The following MAP3K5 variants were observed in gnomAD, a reference collection of about 807,000 sequenced individuals.
The protein encoded by MAP3K5 is ASK-1.
In MAP3K5, 56 loss-of-function variants were observed where a neutral mutation model predicts 158.7. The ratio of observed to expected loss-of-function variants is 0.35; its 90% CI spans 0.28 to 0.44. The LOEUF (loss-of-function observed/expected upper bound fraction) is 0.44. MAP3K5 is among the 20% of genes least tolerant of loss of function. The pLI, the probability that MAP3K5 is intolerant of heterozygous loss-of-function variation, is 1.00. For synonymous variants in MAP3K5, 579 were observed against 601.7 expected (o/e 0.96, Z 0.55); for missense variants, 1,294 against 1,674.8 (o/e 0.77, Z 3.97).
chr6:136,694,525 T>A (rs751931394), intron 6 of MAP3K5, among the ~76,000 whole-genome samples: 2 of 152,218 alleles, frequency 1.3e-5, no homozygotes, highest in Non-Finnish European at 2.9e-5. Flanking sequence ...AGGATTTCTT[T>A]TGAGTTTCTG....
intron 1 of MAP3K5, among the ~76,000 whole-genome samples, chr6:136,729,405 A>G (rs1782110085): frequency 6.6e-6 from 1 of 152,248 alleles, no homozygotes; most frequent in Non-Finnish European, 1.5e-5. Context: ...TATTTACTGC[A>G]CAAAACTGCT....
chr6:136,592,421 T>C lies in MAP3K5; in HGVS notation c.3056+16A>G. 1 of 1,612,772 alleles carries C rather than the reference T, an allele frequency of 6.2e-7. No individual in the cohort carries two copies. Among genetic ancestry groups the C allele is most frequent in the Non-Finnish European group, 8.5e-7 (1 of 1,179,236 alleles). ...AACAACACACTTCTCTCACCCCAAG[T>C]AAGTCAGGTCTTTACCCCAAAAAGA... On this transcript the variant is annotated intron_variant, in intron 22 of 29. Coordinates refer to ENST00000359015, the MANE Select transcript of MAP3K5 (RefSeq NM_005923.4).
At chr6:136,572,946 C>T (rs1346375829) in intron 25 of MAP3K5, among the ~76,000 whole-genome samples, 1 of 152,176 alleles carries the variant, frequency 6.6e-6, no homozygotes, top group Non-Finnish European at 1.5e-5. Flanking sequence ...CAAATTAATA[C>T]AGCTACAAAT....
chr6:136,779,792 T>C (rs1458560265), intron 1 of MAP3K5, among the ~76,000 whole-genome samples: 3 of 152,198 alleles, frequency 2.0e-5, no homozygotes, highest in African/African-American at 7.2e-5. Context: ...TATGGCCACA[T>C]GGCTTATATC....
At chr6:136,705,618 A>C (rs1314094011) in intron 2 of MAP3K5, among the ~76,000 whole-genome samples, 1 of 152,192 alleles carries the variant, frequency 6.6e-6, no homozygotes, top group Non-Finnish European at 1.5e-5. Flanking sequence ...AAAAGTTTAC[A>C]ATCTGCGGAG....
At chr6:136,783,561 C>T (rs1784710103) in intron 1 of MAP3K5, among the ~76,000 whole-genome samples, 1 of 152,156 alleles carries the variant, frequency 6.6e-6, no homozygotes, top group African/African-American at 2.4e-5. Context: ...CTGTGGGTTC[C>T]TGCAACACTG....
chr6:136,758,389 A>C (rs1783598626), intron 1 of MAP3K5, among the ~76,000 whole-genome samples: 1 of 152,238 alleles, frequency 6.6e-6, no homozygotes, highest in Non-Finnish European at 1.5e-5. Flanking sequence ...TATGATGAAA[A>C]CTGAACGAAA....
At chr6:136,704,437 T>C (rs1239165528) in intron 3 of MAP3K5, among the ~76,000 whole-genome samples, 2 of 152,188 alleles carry the variant, frequency 1.3e-5, no homozygotes, top group Non-Finnish European at 2.9e-5. Context: ...AAACATACTA[T>C]AGACACATAT....
At chr6:136,738,762 C>G (rs1400986322) in intron 1 of MAP3K5, among the ~76,000 whole-genome samples, 1 of 152,182 alleles carries the variant, frequency 6.6e-6, no homozygotes, top group East Asian at 1.9e-4. Context: ...CCACATACAG[C>G]TAGCTCTACT....
At chr6:136,723,158 C>A in intron 1 of MAP3K5, among the ~76,000 whole-genome samples, 1 of 151,364 alleles carries the variant, frequency 6.6e-6, no homozygotes. Flanking sequence ...GTCTAAATAC[C>A]TATCAGTAAG....
chr6:136,771,287 A>G (rs968628697), intron 1 of MAP3K5, among the ~76,000 whole-genome samples: 1 of 152,164 alleles, frequency 6.6e-6, no homozygotes, highest in Non-Finnish European at 1.5e-5. Context: ...TATTATCATT[A>G]TTATTGCTGT....
At chr6:136,592,868 A>G (rs1775458064) in intron 21 of MAP3K5, 1 of 548,276 alleles carries the variant, frequency 1.8e-6, no homozygotes, top group African/African-American at 1.9e-5. Flanking sequence ...ACAGTCAAGG[A>G]AGCCCAAGTT....
At position 136,559,330 on chromosome 6, in the gene MAP3K5, C is replaced by T. The variant is rs377398975; in HGVS notation, c.3988-454G>A. Among the ~76,000 whole-genome samples, 21 of 150,038 alleles carry T rather than the reference C, an allele frequency of 1.4e-4. No homozygotes were observed. In the East Asian group the frequency reaches 2.9e-3, roughly 21 times the overall value. On this transcript the variant is annotated intron_variant, in intron 28 of 29. Coordinates refer to ENST00000359015, the MANE Select transcript of MAP3K5 (RefSeq NM_005923.4). ...TTGACCCACTGCACTCCAGCCTGGGCGACAGAGTGAGACTCCGTCTCAAAA... is the reference window on the plus strand; with the variant it reads ...TTGACCCACTGCACTCCAGCCTGGGTGACAGAGTGAGACTCCGTCTCAAAA...
chr6:136,663,225 A>G (rs1779083067), intron 8 of MAP3K5, among the ~76,000 whole-genome samples: 1 of 152,202 alleles, frequency 6.6e-6, no homozygotes, highest in African/African-American at 2.4e-5. Flanking sequence ...TGGAGGTTAG[A>G]TCCTTTTTAA....
At chr6:136,739,036 G>A (rs537560846) in intron 1 of MAP3K5, among the ~76,000 whole-genome samples, 7 of 152,030 alleles carry the variant, frequency 4.6e-5, no homozygotes, top group East Asian at 3.9e-4. Flanking sequence ...TCAAATAAAC[G>A]TACAAAAACA....
intron 1 of MAP3K5, among the ~76,000 whole-genome samples, chr6:136,731,585 C>A (rs1362156250): frequency 2.6e-5 from 4 of 152,210 alleles, no homozygotes; most frequent in African/African-American, 9.6e-5. Flanking sequence ...TTCATCATAT[C>A]TGCAAAGACT....
At chr6:136,593,991 A>G (rs1775512390) in intron 21 of MAP3K5, among the ~76,000 whole-genome samples, 1 of 152,120 alleles carries the variant, frequency 6.6e-6, no homozygotes, top group South Asian at 2.1e-4. Flanking sequence ...ACCTCGGGGG[A>G]AACCACCTTA....
At chr6:136,709,107 T>G (rs1448612517) in intron 2 of MAP3K5, among the ~76,000 whole-genome samples, 1 of 152,192 alleles carries the variant, frequency 6.6e-6, no homozygotes, top group Non-Finnish European at 1.5e-5. Flanking sequence ...TTTTCTACAT[T>G]GCACATTTTT....
intron 26 of MAP3K5, among the ~76,000 whole-genome samples, chr6:136,567,364 A>G (rs1054975231): frequency 6.6e-6 from 1 of 152,206 alleles, no homozygotes; most frequent in Admixed American, 6.5e-5. Flanking sequence ...ACAGTCTATG[A>G]GGCTACAACG....
Sources: gnomAD v4.1 joint callset for allele counts (sites outside exome capture counted in the v4.1 genomes callset) on GRCh38, gnomAD v4.1.1 for gene constraint, MANE v1.5 for transcripts, NCBI Gene and HGNC (gene_info 2026-07-23, HGNC 2026-07-21) for gene names.